Variants in SNRK observed in about 807,000 individuals in gnomAD.
SNRK encodes SNF related kinase, also known as SNF-related serine/threonine-protein kinase.
Under a neutral mutation model 48.2 loss-of-function variants are expected in SNRK, and 3 were observed. The observed-to-expected ratio is 0.06, with a 90% CI of 0.03 to 0.16. SNRK has a LOEUF of 0.16. Among genes scored for constraint, SNRK ranks in the 10% least tolerant of loss-of-function variants. The pLI, the probability that SNRK is intolerant of heterozygous loss-of-function variation, is 1.00. For synonymous variants in SNRK, 376 were observed against 366.1 expected, an observed-to-expected ratio of 1.03 and a Z score of -0.31; for missense variants, 627 against 976.0, an observed-to-expected ratio of 0.64 and a Z score of 4.76.
Position 43,347,792 on chromosome 3 carries a change from G to A in SNRK, c.1533G>A (p.Arg511=), listed in dbSNP as rs770175489. The A allele has an allele frequency of 1.5e-5, 24 of 1,614,080 alleles. No individual in the cohort carries two copies. The highest frequency in any genetic ancestry group is 2.0e-5 in the Non-Finnish European group (24 of 1,180,058). ...MDENLPPKLS[R]LKMNIASPGT... is the part of the protein sequence containing the mutation. ...AGAATCTGCCTCCCAAGTTGAGCAG[G>A]TTAAAGATGAATATAGCTTCTCCAG... is the stretch of plus-strand genomic sequence containing the variant. Residue 511 remains arginine, a synonymous_variant, in exon 7 of 7, where the codon AGG becomes AGA. Coordinates refer to ENST00000296088, the MANE Select transcript of SNRK (RefSeq NM_017719.5). This position sits in a 1 kb window ranked among gnomAD's most constrained non-coding sequence, Gnocchi z 5.4.
rs978102686 is a variant in SNRK at position 43,334,002 on chromosome 3, C to T, written c.731+1692C>T. 2.6e-5 allele frequency among the ~76,000 whole-genome samples: 4 copies of T among 151,988 alleles called. 1 individual carries two copies. Among genetic ancestry groups the T allele is most frequent in the South Asian group, 4.2e-4 (2 of 4,802 alleles). On this transcript the variant is annotated intron_variant, in intron 4 of 6. Coordinates refer to ENST00000296088, the MANE Select transcript of SNRK (RefSeq NM_017719.5). ...CTCTACTAAAAATACAAAACTTAGC[C>T]GGGCATGGTGGCTGGCGCCTGTAAT...
intron 1 of SNRK, among the ~76,000 whole-genome samples, chr3:43,295,439 A>G (rs902833383): frequency 2.0e-5 from 3 of 152,250 alleles, no homozygotes; most frequent in Non-Finnish European, 4.4e-5. Context: ...TTTAGTAAGC[A>G]GCTACCTTGT....
chr3:43,345,329 A>T (rs1382159685), intron 6 of SNRK, among the ~76,000 whole-genome samples: 1 of 151,990 alleles, frequency 6.6e-6, no homozygotes, highest in Non-Finnish European at 1.5e-5. Context: ...GGTCAGAATG[A>T]CCTAGGAGGT....
intron 6 of SNRK, 54 bp downstream of exon 6, chr3:43,343,532 A>T: frequency 2.6e-6 from 4 of 1,546,668 alleles, no homozygotes; most frequent in South Asian, 2.4e-5. Flanking sequence ...GAAATAGCGA[A>T]CTTTTTTTTT....
intron 3 of SNRK, among the ~76,000 whole-genome samples, chr3:43,318,437 A>G (rs1236752300): frequency 6.6e-6 from 1 of 152,190 alleles, no homozygotes; most frequent in Non-Finnish European, 1.5e-5. Flanking sequence ...AAACCACTCA[A>G]AACAGTAGCT....
chr3:43,332,125 T>C (rs748313171), intron 3 of SNRK, 44 bp from the exon 4 acceptor site: 1 of 1,373,566 alleles, frequency 7.3e-7, no homozygotes. Flanking sequence ...TGTTTTTGGT[T>C]TTCTAATTAG....
chr3:43,333,181 C>T (rs2091159701), intron 4 of SNRK: 1 of 151,776 alleles, frequency 6.6e-6, no homozygotes, highest in Admixed American at 6.6e-5. Flanking sequence ...ACCATCCTGA[C>T]TTACATGGTG....
chr3:43,288,030 T>G (rs2090779761), intron 1 of SNRK, among the ~76,000 whole-genome samples: 2 of 152,182 alleles, frequency 1.3e-5, no homozygotes, highest in African/African-American at 2.4e-5. Context: ...AATACCAAAT[T>G]TTTAATCTGA....
In SNRK at chr3:43,348,802, C is replaced by T. The variant is rs1325415246; in HGVS notation, c.*245C>T. 8.0e-6 allele frequency: 3 copies of T among 375,574 alleles called. No individual in the cohort carries two copies. Among genetic ancestry groups the T allele is most frequent in the Admixed American group, 8.4e-5 (2 of 23,896 alleles). 23.3% of individuals were successfully genotyped at this position (375,574 alleles called of 1,614,324 possible). A position where few individuals can be genotyped will look rare whatever the true frequency, so the allele number is the denominator to read the frequency against. On this transcript the variant is annotated 3_prime_UTR_variant, in exon 7 of 7. Coordinates refer to ENST00000296088, the MANE Select transcript of SNRK (RefSeq NM_017719.5). Reference sequence around the variant, plus strand: ...CATTCATAATTTTAATGTGGATGATCAGGATTAAATCAAGATATATATCTG... The same window carrying T: ...CATTCATAATTTTAATGTGGATGATTAGGATTAAATCAAGATATATATCTG...
rs140725345 is a variant in SNRK at position 43,323,095 on chromosome 3, G to GT, written c.590-9067dup. 9.9e-5 allele frequency among the ~76,000 whole-genome samples: 15 copies of GT among 152,056 alleles called. 1 individual carries two copies. The highest frequency in any genetic ancestry group is 3.6e-4 in the African/African-American group (15 of 41,448). Reference sequence around the variant, plus strand: ...AAAGCAATTCAATGGAGAAATGGCCGTTTTTTTCAGCAATGCTGTGGCAAC... The same window carrying GT: ...AAAGCAATTCAATGGAGAAATGGCCGTTTTTTTTCAGCAATGCTGTGGCAAC... On this transcript the variant is annotated intron_variant, in intron 3 of 6. Transcript: ENST00000296088.
intron 4 of SNRK, among the ~76,000 whole-genome samples, chr3:43,339,484 C>A (rs1013702178): frequency 4.6e-5 from 7 of 152,006 alleles, no homozygotes; most frequent in African/African-American, 1.7e-4. Context: ...CTTATTTATT[C>A]TGCTAAAATG....
At chr3:43,287,877 A>G (rs1173768205) in intron 1 of SNRK, among the ~76,000 whole-genome samples, 1 of 152,220 alleles carries the variant, frequency 6.6e-6, no homozygotes. Flanking sequence ...TTCCAGATTT[A>G]TAAAATAATT....
At chr3:43,322,105 G>C (rs189154472) in intron 3 of SNRK, among the ~76,000 whole-genome samples, 1 of 152,256 alleles carries the variant, frequency 6.6e-6, no homozygotes, top group African/African-American at 2.4e-5. Context: ...GGGCACTGCT[G>C]TATCTTAGCA....
chr3:43,348,521 C>T lies in SNRK; in HGVS notation c.2262C>T (p.Cys754=), dbSNP rs1379783621. The T allele has an allele frequency of 1.3e-5, 20 of 1,550,962 alleles. No homozygotes were observed. Among genetic ancestry groups the T allele is most frequent in the South Asian group, 1.1e-4 (9 of 79,558 alleles). The change falls in exon 7 of 7, where the codon TGC becomes TGT. Residue 754 remains cysteine, a synonymous_variant. Transcript: ENST00000296088. The stretch of plus-strand genomic sequence containing the variant: ...GGAACCCTAAGGAGGGGCTGCTGTG[C>T]GCATCCAGCCCAGCCAGCTGTTGCC... ...IQRNPKEGLL[C]ASSPASCCHV... is the part of the protein sequence containing the mutation.
At chr3:43,321,526 C>T (rs993505194) in intron 3 of SNRK, among the ~76,000 whole-genome samples, 6 of 152,146 alleles carry the variant, frequency 3.9e-5, no homozygotes, top group Non-Finnish European at 7.4e-5. Flanking sequence ...AGCTGTCATT[C>T]AGGGTCTCAC....
At chr3:43,306,717 C>CA in intron 3 of SNRK, among the ~76,000 whole-genome samples, 1 of 152,320 alleles carries the variant, frequency 6.6e-6, no homozygotes, top group South Asian at 2.1e-4. Flanking sequence ...CCCTCTCCCA[C>CA]AATCCCTGAT....
At chr3:43,338,215 G>A (rs761551176) in intron 4 of SNRK, among the ~76,000 whole-genome samples, 2 of 152,186 alleles carry the variant, frequency 1.3e-5, no homozygotes, top group Non-Finnish European at 2.9e-5. Context: ...ACCCTTCCAA[G>A]TGGAATCACA....
rs1221210473 is a variant in SNRK, at chr3:43,350,368, G to C, written c.*1811G>C. On this transcript the variant is annotated 3_prime_UTR_variant, in exon 7 of 7. Transcript: ENST00000296088. ...TAAACATAGGAGAGAAGTTTATAAA[G>C]GGCATTGGCAATAAACTCTTTGTTG... 4 of 152,628 alleles carry C rather than the reference G, an allele frequency of 2.6e-5. No individual in the cohort carries two copies. Among genetic ancestry groups the C allele is most frequent in the Admixed American group, 2.6e-4 (4 of 15,288 alleles). The allele number at this position is 152,628 out of a possible 1,614,324, so 9.5% of individuals were successfully genotyped here. A position where few individuals can be genotyped will look rare whatever the true frequency, so the allele number is the denominator to read the frequency against.
At position 43,348,198 on chromosome 3, in the gene SNRK, C is replaced by G. The variant is rs2125651853; in HGVS notation, c.1939C>G (p.Leu647Val). The G allele has an allele frequency of 1.2e-6, 2 of 1,605,678 alleles. No individual in the cohort carries two copies. Among genetic ancestry groups the G allele is most frequent in the South Asian group, 2.2e-5 (2 of 89,738 alleles). ...CAGTGCTGGGGAGCTCGTTGAGAGC[C>G]TCAAACTCATGAGCCTCTGCCTCGG... Reference protein sequence around the residue: ...SRSAGELVESLKLMSLCLGSQ... With the variant: ...SRSAGELVESVKLMSLCLGSQ... Residue 647 changes from leucine (L) to valine (V), a missense_variant, in exon 7 of 7, where the codon CTC becomes GTC. Leu to Val is a conservative substitution (Grantham distance 32). Transcript: ENST00000296088.
Sources: allele counts gnomAD v4.1 joint callset (sites outside exome capture counted in the v4.1 genomes callset), GRCh38; gene constraint gnomAD v4.1.1; non-coding constraint Gnocchi (gnomAD v3.1); transcripts MANE v1.5; gene names NCBI Gene and HGNC (gene_info 2026-07-23, HGNC 2026-07-21).